PDE8B: variants seen among roughly 807,000 people sequenced by gnomAD.
PDE8B encodes phosphodiesterase 8B.
PDE8B carries 26 observed loss-of-function variants against 101.3 expected under a neutral mutation model. That is an observed-to-expected ratio of 0.26 (90% CI 0.19 to 0.36). The LOEUF (loss-of-function observed/expected upper bound fraction) is 0.36. Ranked by LOEUF, PDE8B falls within the 10% of genes least tolerant of loss-of-function variation. The pLI is 1.00. For synonymous variants in PDE8B, 424 were observed against 429.3 expected (o/e 0.99, Z 0.15); for missense variants, 810 against 1,163.1 (o/e 0.70, Z 4.42).
intron 19 of PDE8B, 42 bp downstream of exon 19, chr5:77,419,929 T>C (rs1796290237): frequency 1.2e-6 from 2 of 1,610,798 alleles, no homozygotes; most frequent in Non-Finnish European, 1.7e-6. Context: ...TCCAAGTACA[T>C]TTCCATAAGA....
intron 10 of PDE8B, among the ~76,000 whole-genome samples, chr5:77,372,951 C>T (rs559186941): frequency 6.6e-6 from 1 of 152,188 alleles, no homozygotes; most frequent in Admixed American, 6.5e-5. Flanking sequence ...TCACTTTAAC[C>T]TGGGAGGAAG....
At chr5:77,281,839 C>A (rs1765073119) in intron 1 of PDE8B, among the ~76,000 whole-genome samples, 1 of 152,126 alleles carries the variant, frequency 6.6e-6, no homozygotes, top group Non-Finnish European at 1.5e-5. Context: ...CACTTCACCC[C>A]CTGTAAATTT....
chr5:77,426,403 C>G (rs1798155094), intron 21 of PDE8B, 42 bp from the exon 22 acceptor site: 1 of 1,342,454 alleles, frequency 7.4e-7, no homozygotes, highest in African/African-American at 1.4e-5. Context: ...CTCCTGGGGT[C>G]TAAGTTCACC....
chr5:77,424,827 T>TTTG (rs1797620520), intron 20 of PDE8B, among the ~76,000 whole-genome samples: 1 of 45,790 alleles, frequency 2.2e-5, no homozygotes, highest in Non-Finnish European at 5.9e-5. Flanking sequence ...TTGTTTTTTG[T>TTTG]TTTTTGTTTT....
the PDE8B span, among the ~76,000 whole-genome samples, chr5:77,193,804 G>A: frequency 6.6e-6 from 1 of 150,888 alleles, no homozygotes; most frequent in African/African-American, 2.5e-5. Context: ...CAAGAACATT[G>A]TATATCTCTA....
Position 77,210,892 on chromosome 5 carries a change from C to CGCGG in PDE8B, c.-26_-23dup, listed in dbSNP as rs1748133536. On this transcript the variant is annotated 5_prime_UTR_variant, in exon 1 of 22. Coordinates refer to ENST00000264917, the MANE Select transcript of PDE8B (RefSeq NM_003719.5). The surrounding 1 kb of genome is among the most constrained non-coding windows in gnomAD (Gnocchi z 4.9). ...TGCGCTGGGTCCCGGCGGCCGCGGG[C>CGCGG]GCGGGCGGGCGCGCGGGGGAGCCCG... is the stretch of plus-strand genomic sequence containing the variant. 1 of 1,254,412 alleles carries CGCGG rather than the reference C, an allele frequency of 8.0e-7. No individual in the cohort carries two copies. Among genetic ancestry groups the CGCGG allele is most frequent in the Non-Finnish European group, 9.9e-7 (1 of 1,006,336 alleles). The allele number at this position is 1,254,412 out of a possible 1,614,324, so 77.7% of individuals were successfully genotyped here. A position where few individuals can be genotyped will look rare whatever the true frequency, so the allele number is the denominator to read the frequency against.
At chr5:77,364,924 T>A (rs1199911197) in intron 10 of PDE8B, among the ~76,000 whole-genome samples, 1 of 152,182 alleles carries the variant, frequency 6.6e-6, no homozygotes. Flanking sequence ...TCACTGGAAC[T>A]GTTGAAAAGA....
the PDE8B span, among the ~76,000 whole-genome samples, chr5:77,194,881 A>G: frequency 2.0e-3 from 305 of 152,292 alleles, 2 homozygotes; most frequent in African/African-American, 6.9e-3. Flanking sequence ...GACTATTGTA[A>G]ATAGTGCTGC....
Position 77,301,073 on chromosome 5 carries a change from TC to T in PDE8B, c.340-10918del, listed in dbSNP as rs200319419. On this transcript the variant is annotated intron_variant, in intron 1 of 21. Transcript: ENST00000264917. ...CTTGGTGACTGAAGGTCATGGTTCA[TC>T]CCAGCATGAGTGGTCCTGACACACC... Among the ~76,000 whole-genome samples, 37 of 152,304 alleles carry T rather than the reference TC, an allele frequency of 2.4e-4. No individual in the cohort carries two copies. The East Asian group carries it at 6.4e-3, about 26-fold the overall frequency.
At chr5:77,120,641 T>C in the PDE8B span, among the ~76,000 whole-genome samples, 3 of 152,260 alleles carry the variant, frequency 2.0e-5, no homozygotes, top group Admixed American at 6.5e-5. Context: ...GGGTTTTGAC[T>C]GTAGCATTCT....
the PDE8B span, among the ~76,000 whole-genome samples, chr5:77,185,088 A>G: frequency 6.6e-6 from 1 of 152,228 alleles, no homozygotes; most frequent in East Asian, 1.9e-4. Context: ...GAAATGAAGC[A>G]TATTTCTTGT....
chr5:77,151,690 C>T, the PDE8B span, among the ~76,000 whole-genome samples: 3 of 152,246 alleles, frequency 2.0e-5, no homozygotes, highest in Non-Finnish European at 4.4e-5. Context: ...GATCATGAAG[C>T]AAGCAAGGGG....
At position 77,337,274 on chromosome 5, in the gene PDE8B, T is replaced by G; in HGVS notation, c.756T>G (p.Ile252Met). 3.1e-6 allele frequency: 5 copies of G among 1,601,044 alleles called. No individual in the cohort carries two copies. Among genetic ancestry groups the G allele is most frequent in the Non-Finnish European group, 3.4e-6 (4 of 1,169,884 alleles). The stretch of plus-strand genomic sequence containing the variant: ...TAATTGCTTGCTATAATGAACTGAT[T>G]CAAATAGAACATGGGGAAGTTCGCT... ...SSIIACYNEL[I>M]QIEHGEVRSQ... The change falls in exon 6 of 22, where the codon ATT becomes ATG. Residue 252 changes from isoleucine to methionine, a missense_variant. By Grantham distance (10) the Ile-to-Met change is conservative. Transcript: ENST00000264917.
chr5:77,331,480 A>G (rs1227681169), intron 5 of PDE8B, 21 bp downstream of exon 5: 8 of 1,596,766 alleles, frequency 5.0e-6, no homozygotes, highest in Non-Finnish European at 5.2e-6. Context: ...GATATCCAGC[A>G]TCTCTCTCAG....
the PDE8B span, among the ~76,000 whole-genome samples, chr5:77,162,031 C>T: frequency 6.7e-6 from 1 of 150,304 alleles, no homozygotes; most frequent in Non-Finnish European, 1.5e-5. Flanking sequence ...TAGTACATTT[C>T]CTAAAAATAA....
At chr5:77,116,222 A>AT in the PDE8B span, among the ~76,000 whole-genome samples, 69 of 92,774 alleles carry the variant, frequency 7.4e-4, 1 homozygote, top group African/African-American at 2.5e-3. Context: ...ATATATATAT[A>AT]TATTTTTTTT....
chr5:77,301,891 T>A (rs1770028532), intron 1 of PDE8B, among the ~76,000 whole-genome samples: 1 of 152,200 alleles, frequency 6.6e-6, no homozygotes, highest in Non-Finnish European at 1.5e-5. Flanking sequence ...GTTTGGGGTT[T>A]TTTTTGTTTT....
the PDE8B span, among the ~76,000 whole-genome samples, chr5:77,178,885 C>G: frequency 6.6e-6 from 1 of 152,220 alleles, no homozygotes; most frequent in African/African-American, 2.4e-5. Context: ...AGTTCCCTGC[C>G]GGGTGGGCCT....
At chr5:77,380,961 A>G (rs1246891678) in intron 10 of PDE8B, among the ~76,000 whole-genome samples, 2 of 152,168 alleles carry the variant, frequency 1.3e-5, no homozygotes, top group Non-Finnish European at 1.5e-5. Context: ...CAAGCAGTGG[A>G]GCTGCAAGTA....
Sources: allele counts gnomAD v4.1 joint callset (sites outside exome capture counted in the v4.1 genomes callset), GRCh38; gene constraint gnomAD v4.1.1; non-coding constraint Gnocchi (gnomAD v3.1); transcripts MANE v1.5; gene names NCBI Gene and HGNC (gene_info 2026-07-23, HGNC 2026-07-21).